LINGO2: variants seen among roughly 807,000 people sequenced by gnomAD.
LINGO2 encodes leucine-rich repeat and immunoglobulin-like domain-containing nogo receptor-interacting protein 2.
A neutral mutation model predicts 30.6 loss-of-function variants in LINGO2; 14 were observed. That is an observed-to-expected ratio of 0.46 (90% CI 0.30 to 0.72). LINGO2 has a LOEUF of 0.72. Among genes scored for constraint, LINGO2 ranks in the 30% least tolerant of loss-of-function variants. The probability of loss-of-function intolerance (pLI) is 0.07; values close to 1 mark genes in which losing one functional copy is unlikely to be tolerated. For synonymous variants in LINGO2, 317 were observed against 288.5 expected (o/e 1.10, Z -1.00); for missense variants, 729 against 751.7 (o/e 0.97, Z 0.35).
chr9:28,751,655 C>G, the LINGO2 span, among the ~76,000 whole-genome samples: 60 of 152,070 alleles, frequency 3.9e-4, no homozygotes, highest in Non-Finnish European at 7.9e-4. Context: ...ATTTTAAATT[C>G]ACTACTATAC....
chr9:28,959,612 T>TCACACACACACACA, the LINGO2 span, among the ~76,000 whole-genome samples: 39 of 132,220 alleles, frequency 2.9e-4, no homozygotes, highest in African/African-American at 1.2e-3. Context: ...TCTCTCTCCC[T>TCACACACACACACA]CACACACACA....
At chr9:28,266,984 G>T (rs913984914) in intron 4 of LINGO2, among the ~76,000 whole-genome samples, 1 of 152,006 alleles carries the variant, frequency 6.6e-6, no homozygotes. Flanking sequence ...CAGAGGAAAA[G>T]TTAAAGAACT....
chr9:29,178,363 TTC>T, the LINGO2 span, among the ~76,000 whole-genome samples: 2 of 152,160 alleles, frequency 1.3e-5, no homozygotes, highest in African/African-American at 4.8e-5. Context: ...TAAGCCCTTA[TTC>T]TCTCTTCATT....
chr9:28,380,647 C>T (rs775652820), intron 2 of LINGO2, among the ~76,000 whole-genome samples: 36 of 151,894 alleles, frequency 2.4e-4, no homozygotes, highest in Non-Finnish European at 4.7e-4. Context: ...CAATGTCAAG[C>T]TTAATATTTT....
At chr9:28,897,934 G>A in the LINGO2 span, among the ~76,000 whole-genome samples, 3 of 151,930 alleles carry the variant, frequency 2.0e-5, no homozygotes, top group Non-Finnish European at 4.4e-5. Context: ...TCTAATAGTT[G>A]GATCCAATGT....
the LINGO2 span, among the ~76,000 whole-genome samples, chr9:28,931,939 CT>C: frequency 6.6e-6 from 1 of 151,222 alleles, no homozygotes; most frequent in Non-Finnish European, 1.5e-5. Flanking sequence ...GAAACCCCAT[CT>C]CTACTAAAAA....
intron 5 of LINGO2, among the ~76,000 whole-genome samples, chr9:27,997,559 C>T (rs929035696): frequency 5.3e-5 from 8 of 152,166 alleles, no homozygotes; most frequent in African/African-American, 1.9e-4. Context: ...CTTTTATGCT[C>T]AGACTGTAAT....
chr9:28,046,098 T>C (rs773678402), intron 4 of LINGO2, among the ~76,000 whole-genome samples: 5 of 152,168 alleles, frequency 3.3e-5, no homozygotes, highest in Non-Finnish European at 5.9e-5. Context: ...TTCAGCTAAA[T>C]GTTATTTCAT....
chr9:28,847,876 GTA>G, the LINGO2 span, among the ~76,000 whole-genome samples: 2 of 120,396 alleles, frequency 1.7e-5, no homozygotes, highest in South Asian at 2.6e-4. Flanking sequence ...TACATATACA[GTA>G]TATATACACA....
At chr9:28,980,793 G>A in the LINGO2 span, among the ~76,000 whole-genome samples, 1 of 151,098 alleles carries the variant, frequency 6.6e-6, no homozygotes, top group South Asian at 2.1e-4. Flanking sequence ...TTACCATCTG[G>A]CATACTCTGT....
the LINGO2 span, among the ~76,000 whole-genome samples, chr9:28,936,632 C>G: frequency 6.6e-6 from 1 of 152,210 alleles, no homozygotes; most frequent in South Asian, 2.1e-4. Flanking sequence ...CTGATTTTCT[C>G]AATTTGTAAA....
At chr9:28,058,086 G>C (rs990965617) in intron 4 of LINGO2, among the ~76,000 whole-genome samples, 3 of 152,094 alleles carry the variant, frequency 2.0e-5, no homozygotes, top group Non-Finnish European at 4.4e-5. Flanking sequence ...CCAATAAATA[G>C]TTGTGCCAGT....
At chr9:28,621,234 T>C (rs1211147817) in intron 1 of LINGO2, among the ~76,000 whole-genome samples, 1 of 152,006 alleles carries the variant, frequency 6.6e-6, no homozygotes, top group Admixed American at 6.6e-5. Flanking sequence ...ATATAATGTG[T>C]TAATGATGAT....
At chr9:28,779,862 C>A in the LINGO2 span, among the ~76,000 whole-genome samples, 1 of 152,080 alleles carries the variant, frequency 6.6e-6, no homozygotes, top group Non-Finnish European at 1.5e-5. Context: ...AACCATTGCT[C>A]TATTATTTCA....
chr9:29,149,886 A>G, the LINGO2 span, among the ~76,000 whole-genome samples: 3 of 152,190 alleles, frequency 2.0e-5, no homozygotes, highest in Non-Finnish European at 2.9e-5. Flanking sequence ...TTCGTGCAGG[A>G]CTGGAGCATG....
intron 4 of LINGO2, among the ~76,000 whole-genome samples, chr9:28,233,030 T>TTTTATATA (rs377205899): frequency 2.6e-5 from 2 of 77,716 alleles, no homozygotes; most frequent in Non-Finnish European, 4.5e-5. Flanking sequence ...ACAGTAAACA[T>TTTTATATA]TATATATATA....
At chr9:28,251,226 T>C (rs997010314) in intron 4 of LINGO2, among the ~76,000 whole-genome samples, 1 of 152,136 alleles carries the variant, frequency 6.6e-6, no homozygotes, top group Non-Finnish European at 1.5e-5. Context: ...GTTTTTAAAC[T>C]CAGGAACCTT....
At chr9:27,949,963 A>T (rs371231829) in exon 6 of LINGO2, 6 of 1,613,950 alleles carry the variant, frequency 3.7e-6, no homozygotes, top group Non-Finnish European at 5.1e-6. Context: ...ATATCCAGTA[A>T]AGGCCAATAG....
At chr9:28,914,841 T>C in the LINGO2 span, among the ~76,000 whole-genome samples, 3 of 152,120 alleles carry the variant, frequency 2.0e-5, no homozygotes, top group African/African-American at 7.2e-5. Context: ...GTTTTAAAGA[T>C]AGTCACAAAC....
Sources: gnomAD v4.1 joint callset for allele counts (sites outside exome capture counted in the v4.1 genomes callset) on GRCh38, gnomAD v4.1.1 for gene constraint, MANE v1.5 for transcripts, NCBI Gene and HGNC (gene_info 2026-07-23, HGNC 2026-07-21) for gene names.